LDLRAD3: variants seen among roughly 807,000 people sequenced by gnomAD.
LDLRAD3 encodes low-density lipoprotein receptor class A domain-containing protein 3.
A neutral mutation model predicts 29.4 loss-of-function variants in LDLRAD3; 20 were observed. That is an observed-to-expected ratio of 0.68 (90% CI 0.48 to 0.99). The LOEUF (loss-of-function observed/expected upper bound fraction) is 0.99, where lower values mean the gene tolerates loss of function less well. Ranked by LOEUF, LDLRAD3 falls within the 50% of genes least tolerant of loss-of-function variation. The pLI is 0.00. For synonymous variants in LDLRAD3, 157 were observed against 192.7 expected (o/e 0.81, Z 1.53); for missense variants, 420 against 454.3 (o/e 0.92, Z 0.69).
intron 2 of LDLRAD3, among the ~76,000 whole-genome samples, chr11:36,070,261 T>A (rs1233836412): frequency 1.3e-5 from 2 of 152,252 alleles, no homozygotes; most frequent in Non-Finnish European, 2.9e-5. Flanking sequence ...CACAGGTAAA[T>A]GTAAATCCTT....
intron 4 of LDLRAD3, among the ~76,000 whole-genome samples, chr11:36,185,602 C>T (rs1206808616): frequency 1.3e-5 from 2 of 151,630 alleles, no homozygotes; most frequent in Non-Finnish European, 2.9e-5. Flanking sequence ...ATAGCCTGTA[C>T]CTGGGCTCCC....
intron 1 of LDLRAD3, among the ~76,000 whole-genome samples, chr11:36,030,894 G>C (rs111965170): frequency 6.6e-6 from 1 of 152,314 alleles, no homozygotes; most frequent in South Asian, 2.1e-4. Flanking sequence ...TTCTCAGCTG[G>C]AAAAGTCAAC....
chr11:36,013,142 T>C (rs1851975963), intron 1 of LDLRAD3, among the ~76,000 whole-genome samples: 1 of 152,244 alleles, frequency 6.6e-6, no homozygotes, highest in African/African-American at 2.4e-5. Flanking sequence ...TCTTGTCCTT[T>C]GAGCAGTACT....
At chr11:36,130,474 T>C (rs1327314687) in intron 4 of LDLRAD3, among the ~76,000 whole-genome samples, 3 of 152,058 alleles carry the variant, frequency 2.0e-5, no homozygotes, top group Admixed American at 6.5e-5. Context: ...GGAAGGAAGT[T>C]TGGAGGGCAG....
intron 2 of LDLRAD3, among the ~76,000 whole-genome samples, chr11:36,063,178 C>T (rs1852732962): frequency 1.3e-5 from 2 of 152,198 alleles, no homozygotes; most frequent in African/African-American, 2.4e-5. Context: ...CTACATCCCC[C>T]AGTATTGCCT....
chr11:36,211,168 T>C (rs540658911), intron 4 of LDLRAD3, among the ~76,000 whole-genome samples: 1 of 152,210 alleles, frequency 6.6e-6, no homozygotes, highest in South Asian at 2.1e-4. Context: ...AACTCTGCCA[T>C]TGTAGCATGA....
chr11:36,159,882 C>T (rs1337302838), intron 4 of LDLRAD3, among the ~76,000 whole-genome samples: 1 of 152,130 alleles, frequency 6.6e-6, no homozygotes, highest in Admixed American at 6.5e-5. Flanking sequence ...CCTCTCCTTC[C>T]ATCCCAAGCC....
At chr11:36,105,238 T>TGTGTGTGTGTGTGTGTGTGTGTGTGA (rs1343780985) in intron 4 of LDLRAD3, among the ~76,000 whole-genome samples, 3 of 128,426 alleles carry the variant, frequency 2.3e-5, no homozygotes, top group East Asian at 5.0e-4. Context: ...TGTGTGTGTG[T>TGTGTGTGTGTGTGTGTGTGTGTGTGA]GAGAGAGAGA....
intron 1 of LDLRAD3, among the ~76,000 whole-genome samples, chr11:35,975,142 A>C (rs1295221296): frequency 2.6e-5 from 4 of 152,138 alleles, no homozygotes; most frequent in Non-Finnish European, 4.4e-5. Context: ...TCCATAATCC[A>C]TGTCTCCAGG....
At chr11:36,138,409 G>A (rs570900532) in intron 4 of LDLRAD3, among the ~76,000 whole-genome samples, 1 of 152,298 alleles carries the variant, frequency 6.6e-6, no homozygotes, top group South Asian at 2.1e-4. Context: ...AAAGTAGTTT[G>A]ACCAAATCAA....
At chr11:35,997,579 G>T in intron 1 of LDLRAD3, 1 of 293,834 alleles carries the variant, frequency 3.4e-6, no homozygotes, top group Non-Finnish European at 6.5e-6. Context: ...ATACCCAGAG[G>T]GCCAATCTTG....
chr11:35,948,459 T>C (rs1462175082), intron 1 of LDLRAD3, among the ~76,000 whole-genome samples: 2 of 152,008 alleles, frequency 1.3e-5, no homozygotes, highest in East Asian at 3.8e-4. Flanking sequence ...TGTGTGTGTG[T>C]GTGTGTGTGT....
At chr11:36,146,773 C>CTTTATTTTATTTTATTTTAATTTTAT (rs1854200905) in intron 4 of LDLRAD3, among the ~76,000 whole-genome samples, 1 of 143,742 alleles carries the variant, frequency 7.0e-6, no homozygotes. Flanking sequence ...TTTCCCTCTA[C>CTTTATTTTATTTTATTTTAATTTTAT]TTTATTTTAT....
At chr11:35,995,529 A>G (rs1011881561) in intron 1 of LDLRAD3, among the ~76,000 whole-genome samples, 2 of 152,222 alleles carry the variant, frequency 1.3e-5, no homozygotes, top group African/African-American at 4.8e-5. Flanking sequence ...ATGAGTATTC[A>G]CTTCAGCTTG....
chr11:36,034,411 G>A (rs1223311762), intron 1 of LDLRAD3, among the ~76,000 whole-genome samples: 1 of 152,138 alleles, frequency 6.6e-6, no homozygotes, highest in Non-Finnish European at 1.5e-5. Context: ...CACATATAGG[G>A]GTTGATAGAT....
intron 1 of LDLRAD3, among the ~76,000 whole-genome samples, chr11:35,978,679 A>G (rs1851504317): frequency 6.6e-6 from 1 of 152,236 alleles, no homozygotes; most frequent in Admixed American, 6.5e-5. Flanking sequence ...TACCTAGAGC[A>G]GATTATTGAG....
intron 2 of LDLRAD3, among the ~76,000 whole-genome samples, chr11:36,077,081 C>T (rs897793960): frequency 2.6e-5 from 4 of 152,158 alleles, no homozygotes; most frequent in African/African-American, 9.7e-5. Context: ...ATATACACTG[C>T]TCTGAGTATA....
rs189797148 is a variant in LDLRAD3, at chr11:36,004,717, C to T, written c.47-31386C>T. Among the ~76,000 whole-genome samples, 4 of 152,360 alleles carry T rather than the reference C, an allele frequency of 2.6e-5. No individual in the cohort carries two copies. In the East Asian group the frequency reaches 7.7e-4, roughly 29 times the overall value. ...GTAGAGGTTCTGCATGAGGGCTCTG[C>T]CCCTGCAGCAGACTTCTGCCTGGAC... On this transcript the variant is annotated intron_variant, in intron 1 of 5. Transcript: ENST00000315571.
chr11:36,128,805 C>T (rs934395693), intron 4 of LDLRAD3, among the ~76,000 whole-genome samples: 10 of 149,820 alleles, frequency 6.7e-5, no homozygotes, highest in Non-Finnish European at 1.3e-4. Flanking sequence ...GTGGAGATCA[C>T]ATTACTGCAC....
Sources: allele counts gnomAD v4.1 joint callset (sites outside exome capture counted in the v4.1 genomes callset), GRCh38; gene constraint gnomAD v4.1.1; transcripts MANE v1.5; gene names NCBI Gene and HGNC (gene_info 2026-07-23, HGNC 2026-07-21).